C10orf67: variants seen among roughly 807,000 people sequenced by gnomAD.
C10orf67 encodes uncharacterized protein C10orf67, mitochondrial.
In C10orf67, 60 loss-of-function variants were observed where a neutral mutation model predicts 35.6. The ratio of observed to expected loss-of-function variants is 1.68; its 90% confidence interval spans 1.37 to 2.09. The LOEUF (loss-of-function observed/expected upper bound fraction) is 2.09, where lower values mean the gene tolerates loss of function less well. C10orf67 is among the 30% of genes most tolerant of loss of function. The probability of loss-of-function intolerance (pLI) is 0.00; values close to 1 mark genes in which losing one functional copy is unlikely to be tolerated. For missense variants in C10orf67, 474 were observed against 330.2 expected, an observed-to-expected ratio of 1.44 and a Z score of -3.38; for synonymous variants, 167 against 115.8, an observed-to-expected ratio of 1.44 and a Z score of -2.84.
intron 5 of C10orf67, among the ~76,000 whole-genome samples, chr10:23,291,665 G>A (rs761323711): frequency 2.6e-4 from 40 of 152,278 alleles, no homozygotes; most frequent in Non-Finnish European, 4.9e-4. Context: ...GGACCAGGAC[G>A]GGCAGCGCCA....
chr10:23,255,498 A>C (rs936153623), intron 10 of C10orf67, among the ~76,000 whole-genome samples: 5 of 152,188 alleles, frequency 3.3e-5, no homozygotes, highest in African/African-American at 1.2e-4. Flanking sequence ...AGGCCACAAA[A>C]GTCTGTCTGG....
intron 4 of C10orf67, among the ~76,000 whole-genome samples, chr10:23,306,396 C>T (rs1036020511): frequency 3.3e-5 from 5 of 151,996 alleles, no homozygotes; most frequent in African/African-American, 1.2e-4. Flanking sequence ...TGGTGGCGGA[C>T]ACCTGTAATC....
intron 7 of C10orf67, among the ~76,000 whole-genome samples, chr10:23,286,097 C>CAAT (rs1256898404): frequency 6.6e-6 from 1 of 151,858 alleles, no homozygotes; most frequent in Non-Finnish European, 1.5e-5. Context: ...GAAACATTTT[C>CAAT]AATAAAGAAC....
intron 4 of C10orf67, among the ~76,000 whole-genome samples, chr10:23,304,766 C>T (rs996937841): frequency 1.3e-5 from 2 of 152,128 alleles, no homozygotes; most frequent in Admixed American, 6.5e-5. Context: ...TGAAGGAATA[C>T]ACACTCATCT....
At chr10:23,342,264 C>T (rs1201160250) in intron 1 of C10orf67, among the ~76,000 whole-genome samples, 1 of 151,500 alleles carries the variant, frequency 6.6e-6, no homozygotes, top group Non-Finnish European at 1.5e-5. Context: ...ACTCACTTTC[C>T]TCTTCTCCCT....
intron 10 of C10orf67, chr10:23,258,519 T>G (rs1353594690): frequency 5.9e-6 from 1 of 168,774 alleles, no homozygotes; most frequent in Non-Finnish European, 1.3e-5. Flanking sequence ...GGGTTACTCC[T>G]ACCATGGCCT....
At chr10:23,219,659 C>T (rs986916016) in intron 15 of C10orf67, among the ~76,000 whole-genome samples, 46 of 152,268 alleles carry the variant, frequency 3.0e-4, no homozygotes, top group Admixed American at 1.6e-3. Context: ...GCATGCACCA[C>T]TTGACTTTCT....
chr10:23,321,157 T>C (rs1239830332), intron 3 of C10orf67, among the ~76,000 whole-genome samples: 4 of 152,208 alleles, frequency 2.6e-5, no homozygotes, highest in Non-Finnish European at 5.9e-5. Context: ...TTCTAGTCCT[T>C]GTACTTTTTG....
At chr10:23,306,392 C>T (rs1390069954) in intron 4 of C10orf67, among the ~76,000 whole-genome samples, 4 of 151,826 alleles carry the variant, frequency 2.6e-5, no homozygotes, top group Non-Finnish European at 5.9e-5. Flanking sequence ...GGCATGGTGG[C>T]GGACACCTGT....
At chr10:23,216,580 C>A (rs558579407) in intron 15 of C10orf67, among the ~76,000 whole-genome samples, 1 of 152,050 alleles carries the variant, frequency 6.6e-6, no homozygotes, top group Non-Finnish European at 1.5e-5. Context: ...GAATTCCCAT[C>A]AACAGCAGAA....
intron 12 of C10orf67, among the ~76,000 whole-genome samples, chr10:23,245,328 A>T (rs1269138041): frequency 2.6e-5 from 4 of 152,196 alleles, no homozygotes; most frequent in Non-Finnish European, 4.4e-5. Flanking sequence ...ATAATACCAG[A>T]TGCACAAGCA....
rs1317916148 is a variant in C10orf67, at chr10:23,288,797, A to G, written c.909+1103T>C. Among the ~76,000 whole-genome samples the G allele has an allele frequency of 3.9e-5, 6 of 152,282 alleles. No homozygotes were observed. In the East Asian group the frequency reaches 7.7e-4, roughly 20 times the overall value. ...TTAAAAATGGATACTCGGTTCAGTT[A>G]CTGGAAGATATTTATGTTTATTTGG... On this transcript the variant is annotated intron_variant, in intron 7 of 15. Transcript: ENST00000636213.
rs903499429 is a variant in C10orf67 at position 23,327,471 on chromosome 10, T to C, written c.328-4934A>G. ...AATTAACATTGAACAAAATGGACAATATGGCCAAAGCCTTCATATAGAAAA... is the reference window on the plus strand; with the variant it reads ...AATTAACATTGAACAAAATGGACAACATGGCCAAAGCCTTCATATAGAAAA... On this transcript the variant is annotated intron_variant, in intron 2 of 15. Transcript: ENST00000636213. 1.2e-3 allele frequency among the ~76,000 whole-genome samples: 188 copies of C among 152,252 alleles called. 2 individuals are homozygous for C. Among genetic ancestry groups the C allele is most frequent in the African/African-American group, 4.4e-3 (181 of 41,550 alleles).
chr10:23,211,942 C>T (rs1350616974), intron 15 of C10orf67, among the ~76,000 whole-genome samples: 1 of 152,168 alleles, frequency 6.6e-6, no homozygotes, highest in African/African-American at 2.4e-5. Context: ...ACAAGCCAGC[C>T]TGTTAGGAAT....
chr10:23,300,631 T>C (rs545624088), intron 5 of C10orf67, among the ~76,000 whole-genome samples: 2 of 152,208 alleles, frequency 1.3e-5, no homozygotes, highest in African/African-American at 2.4e-5. Flanking sequence ...AGAAAGGCAG[T>C]AGGATTTTCT....
chr10:23,316,848 GT>G (rs1185935629), intron 4 of C10orf67: 1 of 152,382 alleles, frequency 6.6e-6, no homozygotes, highest in Middle Eastern at 3.2e-3. Flanking sequence ...TGAGTCTAGG[GT>G]TTTTATGGGC....
intron 5 of C10orf67, among the ~76,000 whole-genome samples, chr10:23,301,126 A>G (rs1844057962): frequency 6.6e-6 from 1 of 152,206 alleles, no homozygotes; most frequent in Non-Finnish European, 1.5e-5. Flanking sequence ...AGGGGGCATA[A>G]TCGGGGAATA....
intron 4 of C10orf67, among the ~76,000 whole-genome samples, chr10:23,310,778 C>G (rs1485468762): frequency 6.6e-6 from 1 of 152,212 alleles, no homozygotes; most frequent in African/African-American, 2.4e-5. Flanking sequence ...CTCTCTTTCT[C>G]TCTCCCATTT....
chr10:23,321,599 A>T (rs1437418420), intron 3 of C10orf67, among the ~76,000 whole-genome samples: 1 of 152,160 alleles, frequency 6.6e-6, no homozygotes, highest in Admixed American at 6.5e-5. Context: ...AAGTTACTTA[A>T]CCTTGGCAAG....
Sources: gnomAD v4.1 joint callset for allele counts (sites outside exome capture counted in the v4.1 genomes callset) on GRCh38, gnomAD v4.1.1 for gene constraint, MANE v1.5 for transcripts, NCBI Gene and HGNC (gene_info 2026-07-23, HGNC 2026-07-21) for gene names.